LSM1: variants seen among roughly 807,000 people sequenced by gnomAD.
LSM1 encodes the protein U6 snRNA-associated Sm-like protein LSm1.
In LSM1, 13 loss-of-function variants were observed where a neutral mutation model predicts 18.0. That is an observed-to-expected ratio of 0.72 (90% CI 0.47 to 1.15). LSM1 has a LOEUF of 1.15. Ranked by LOEUF, LSM1 falls within the 50% of genes most tolerant of loss-of-function variation. The pLI is 0.00. For synonymous variants in LSM1, 46 were observed against 56.0 expected, an observed-to-expected ratio of 0.82 and a Z score of 0.80; for missense variants, 152 against 157.7, an observed-to-expected ratio of 0.96 and a Z score of 0.19.
chr8:38,172,195 T>A (rs990150268), intron 1 of LSM1, among the ~76,000 whole-genome samples, 162 bp from the exon 2 acceptor site: 4 of 151,314 alleles, frequency 2.6e-5, no homozygotes, highest in African/African-American at 9.7e-5. Context: ...GCAACGCGGA[T>A]TTAGATAACA....
chr8:38,169,771 G>C (rs781233539), intron 3 of LSM1, 31 bp downstream of exon 3: 6 of 1,245,152 alleles, frequency 4.8e-6, no homozygotes, highest in Non-Finnish European at 5.9e-6. Flanking sequence ...TGAATATGAA[G>C]ATCTACAGCA....
At chr8:38,166,743 A>G (rs1802937903) in intron 3 of LSM1, among the ~76,000 whole-genome samples, 4 of 152,220 alleles carry the variant, frequency 2.6e-5, no homozygotes, top group South Asian at 4.1e-4. Context: ...CACAAATTAC[A>G]TAAGCAAGCC....
At chr8:38,167,696 G>A (rs1057320237) in intron 3 of LSM1, among the ~76,000 whole-genome samples, 1 of 152,064 alleles carries the variant, frequency 6.6e-6, no homozygotes, top group Non-Finnish European at 1.5e-5. Flanking sequence ...ATTAAATTCA[G>A]AAAAGTATTT....
At chr8:38,168,412 G>A (rs1802973661) in intron 3 of LSM1, among the ~76,000 whole-genome samples, 2 of 150,464 alleles carry the variant, frequency 1.3e-5, no homozygotes, top group Admixed American at 1.3e-4. Context: ...CCAACATAGT[G>A]AAACCCCGTC....
rs556802890 is a variant in LSM1 at position 38,176,434 on chromosome 8, A to C, written c.-114T>G. ...GGGACCAAGCCCGGAATCCCGACCG[A>C]GACCAGCACTTCTGCCCCGGCTTTC... is the stretch of plus-strand genomic sequence containing the variant. On this transcript the variant is annotated 5_prime_UTR_variant, in exon 1 of 4. Transcript: ENST00000311351. 7 of 810,308 alleles carry C rather than the reference A, an allele frequency of 8.6e-6. No individual in the cohort carries two copies. Among genetic ancestry groups the C allele is most frequent in the Non-Finnish European group, 1.4e-5 (7 of 497,590 alleles). The allele number at this position is 810,308 out of a possible 1,614,324, so 50.2% of individuals were successfully genotyped here.
At chr8:38,173,406 A>T (rs546001729) in intron 1 of LSM1, among the ~76,000 whole-genome samples, 64 of 152,186 alleles carry the variant, frequency 4.2e-4, no homozygotes, top group African/African-American at 1.5e-3. Context: ...TGTAAATTAA[A>T]GAGGAGGAAA....
In LSM1 at chr8:38,163,747, C is replaced by T. The variant is rs1392252836; in HGVS notation, c.325G>A (p.Ala109Thr). Residue 109 changes from alanine to threonine, a missense_variant, in exon 4 of 4, where the codon GCA (alanine) becomes ACA (threonine). Physicochemically the swap from Ala to Thr is moderately conservative, Grantham distance 58. Coordinates refer to ENST00000311351, the MANE Select transcript of LSM1 (RefSeq NM_014462.3). ...AGGGCCTGCACTTTCAACTTCTCTGCTTCCAGCTTGGTCTGCTGTTCCACC... is the reference window on the plus strand; with the variant it reads ...AGGGCCTGCACTTTCAACTTCTCTGTTTCCAGCTTGGTCTGCTGTTCCACC... ...QRVEQQTKLE[A>T]EKLKVQALKD... 2 of 1,614,188 alleles carry T rather than the reference C, an allele frequency of 1.2e-6. No homozygotes were observed. The highest frequency in any genetic ancestry group is 2.2e-5 in the East Asian group (1 of 44,888).
At chr8:38,175,533 C>A (rs1803118655) in intron 1 of LSM1, among the ~76,000 whole-genome samples, 1 of 152,044 alleles carries the variant, frequency 6.6e-6, no homozygotes, top group Non-Finnish European at 1.5e-5. Context: ...AATGCACAGA[C>A]GGAATTTAGA....
chr8:38,174,419 C>T (rs1803081869), intron 1 of LSM1, among the ~76,000 whole-genome samples: 2 of 152,074 alleles, frequency 1.3e-5, no homozygotes, highest in African/African-American at 4.8e-5. Context: ...TACAGAAACA[C>T]AAGGAGGAAA....
chr8:38,169,965 G>C (rs3015656), intron 2 of LSM1, 48 bp from the exon 3 acceptor site: 105,879 of 880,278 alleles, frequency 0.12, 7,077 homozygotes, highest in East Asian at 0.16. Context: ...TAAACTACTG[G>C]GTAAAGGCCC....
Position 38,163,516 on chromosome 8 carries a change from G to C in LSM1, c.*154C>G. ...TATTAAAAAAAAAACCCACCTACAC[G>C]ATTTCTTCATGTTGCATATGTAAAA... On this transcript the variant is annotated 3_prime_UTR_variant, in exon 4 of 4. Coordinates refer to ENST00000311351, the MANE Select transcript of LSM1 (RefSeq NM_014462.3). 1.6e-6 allele frequency: 1 copy of C among 618,978 alleles called. No homozygotes were observed. 38.3% of individuals were successfully genotyped at this position (618,978 alleles called of 1,614,324 possible).
chr8:38,168,251 G>C (rs915810361), intron 3 of LSM1, among the ~76,000 whole-genome samples: 1 of 148,800 alleles, frequency 6.7e-6, no homozygotes, highest in East Asian at 2.2e-4. Flanking sequence ...GTGAGGCACC[G>C]CACCTGGCCT....
intron 3 of LSM1, 38 bp downstream of exon 3, chr8:38,169,764 A>G: frequency 8.5e-7 from 1 of 1,180,390 alleles, no homozygotes; most frequent in Non-Finnish European, 1.3e-6. Context: ...ACTAGCATGA[A>G]TATGAAGATC....
chr8:38,175,936 C>A (rs865874108), intron 1 of LSM1: 1 of 258,778 alleles, frequency 3.9e-6, no homozygotes, highest in Non-Finnish European at 7.4e-6. Context: ...ATACTGCAGG[C>A]AGGAGTGGAC....
intron 3 of LSM1, among the ~76,000 whole-genome samples, chr8:38,169,045 A>T (rs1480496365): frequency 6.6e-6 from 1 of 152,238 alleles, no homozygotes; most frequent in Non-Finnish European, 1.5e-5. Flanking sequence ...GTTTTTGGTA[A>T]GAAAAAAGAA....
In LSM1 at chr8:38,163,788, A is replaced by G; in HGVS notation, c.284T>C (p.Ile95Thr). 2 of 1,614,120 alleles carry G rather than the reference A, an allele frequency of 1.2e-6. No individual in the cohort carries two copies. Among genetic ancestry groups the G allele is most frequent in the Non-Finnish European group, 1.7e-6 (2 of 1,180,018 alleles). Reference sequence around the variant, plus strand: ...CTGTTCCACCCTTTGTTCTTCTAGAATTTCTTCAATGGATACTTGCTGGAG... The same window carrying G: ...CTGTTCCACCCTTTGTTCTTCTAGAGTTTCTTCAATGGATACTTGCTGGAG... ...TPLQQVSIEEILEEQRVEQQT... is the reference protein window; with the variant it reads ...TPLQQVSIEETLEEQRVEQQT... Residue 95 changes from isoleucine (I) to threonine (T), a missense_variant, in exon 4 of 4, where the codon ATT becomes ACT. Physicochemically the swap from Ile to Thr is moderately conservative, Grantham distance 89. Coordinates refer to ENST00000311351, the MANE Select transcript of LSM1 (RefSeq NM_014462.3).
chr8:38,167,591 G>A (rs1210408046), intron 3 of LSM1, among the ~76,000 whole-genome samples: 2 of 152,014 alleles, frequency 1.3e-5, no homozygotes, highest in Non-Finnish European at 2.9e-5. Flanking sequence ...TGCCTGCCTC[G>A]GCCTCCCAAA....
upstream of LSM1, chr8:38,176,510 T>C: frequency 1.7e-6 from 1 of 584,804 alleles, no homozygotes; most frequent in Non-Finnish European, 3.0e-6. Context: ...ACCCACTTCC[T>C]GTAACACGTG....
chr8:38,164,083 GTC>G (rs1302865392), intron 3 of LSM1, among the ~76,000 whole-genome samples: 6 of 152,138 alleles, frequency 3.9e-5, no homozygotes, highest in Non-Finnish European at 7.4e-5. Context: ...TCAAGATGGA[GTC>G]TCTCTGTCAC....
Sources: gnomAD v4.1 joint callset for allele counts (sites outside exome capture counted in the v4.1 genomes callset) on GRCh38, gnomAD v4.1.1 for gene constraint, MANE v1.5 for transcripts, NCBI Gene and HGNC (gene_info 2026-07-23, HGNC 2026-07-21) for gene names.